The following IFRD1 variants were observed in gnomAD, a reference collection of about 807,000 sequenced individuals.
The protein encoded by IFRD1 is interferon-related developmental regulator 1.
A neutral mutation model predicts 52.9 loss-of-function variants in IFRD1; 35 were observed. The ratio of observed to expected loss-of-function variants is 0.66; its 90% CI spans 0.51 to 0.88. IFRD1 has a LOEUF of 0.88. Among genes scored for constraint, IFRD1 ranks in the 40% least tolerant of loss-of-function variants. The probability of loss-of-function intolerance (pLI) is 0.00; values close to 1 mark genes in which losing one functional copy is unlikely to be tolerated. For synonymous variants in IFRD1, 184 were observed against 188.4 expected (o/e 0.98, Z 0.19); for missense variants, 517 against 550.8 (o/e 0.94, Z 0.61).
chr7:112,460,241 G>GTTTTTTTTT (rs35314166), intron 5 of IFRD1, among the ~76,000 whole-genome samples: 2 of 92,950 alleles, frequency 2.2e-5, no homozygotes, highest in Non-Finnish European at 4.1e-5. Flanking sequence ...CAGTCCTAGG[G>GTTTTTTTTT]TTTTTTTTTT....
chr7:112,471,266 G>A (rs1250055996), intron 9 of IFRD1, among the ~76,000 whole-genome samples: 3 of 152,046 alleles, frequency 2.0e-5, no homozygotes, highest in African/African-American at 7.2e-5. Flanking sequence ...CCCATTTTAC[G>A]GGCAAGGGAA....
intron 1 of IFRD1, among the ~76,000 whole-genome samples, chr7:112,436,709 T>C (rs1462420698): frequency 2.0e-5 from 3 of 152,066 alleles, no homozygotes; most frequent in Non-Finnish European, 4.4e-5. Flanking sequence ...ATGCAAATAT[T>C]ATTATTTCAT....
intron 1 of IFRD1, among the ~76,000 whole-genome samples, chr7:112,429,355 G>A (rs772535135): frequency 6.6e-5 from 10 of 152,156 alleles, no homozygotes; most frequent in Non-Finnish European, 1.5e-4. Flanking sequence ...TCTGTTTTTG[G>A]TCACGTTAAG....
intron 1 of IFRD1, among the ~76,000 whole-genome samples, chr7:112,434,041 C>G (rs187077764): frequency 1.5e-4 from 23 of 152,076 alleles, no homozygotes; most frequent in Non-Finnish European, 4.4e-5. Flanking sequence ...AGGCTGGTCT[C>G]GAACTCCTGA....
chr7:112,440,485 T>G (rs1453389082), intron 1 of IFRD1, among the ~76,000 whole-genome samples: 1 of 152,236 alleles, frequency 6.6e-6, no homozygotes, highest in African/African-American at 2.4e-5. Flanking sequence ...TACGGTCAAT[T>G]CAGTTTGGCA....
At chr7:112,460,281 G>C (rs1795404914) in intron 5 of IFRD1, among the ~76,000 whole-genome samples, 1 of 108,992 alleles carries the variant, frequency 9.2e-6, no homozygotes, top group Admixed American at 1.5e-4. Flanking sequence ...GTCTCACTCT[G>C]TTACCCAGGC....
At chr7:112,426,723 TTGAGTC>T (rs1288263799) in intron 1 of IFRD1, among the ~76,000 whole-genome samples, 1 of 152,194 alleles carries the variant, frequency 6.6e-6, no homozygotes, top group Non-Finnish European at 1.5e-5. Flanking sequence ...AACAGACTCT[TTGAGTC>T]TGATAAGAAT....
intron 1 of IFRD1, among the ~76,000 whole-genome samples, chr7:112,435,240 G>A (rs1430566637): frequency 1.3e-5 from 2 of 152,130 alleles, no homozygotes; most frequent in Non-Finnish European, 2.9e-5. Flanking sequence ...AACCACCCGC[G>A]GACAGAACCA....
intron 9 of IFRD1, among the ~76,000 whole-genome samples, chr7:112,469,330 A>G (rs1584500988): frequency 3.9e-5 from 6 of 152,214 alleles, no homozygotes; most frequent in Admixed American, 3.9e-4. Flanking sequence ...TCTAGGATAC[A>G]AATTAGATCC....
At chr7:112,429,289 C>T (rs1413341026) in intron 1 of IFRD1, among the ~76,000 whole-genome samples, 1 of 152,246 alleles carries the variant, frequency 6.6e-6, no homozygotes, top group Non-Finnish European at 1.5e-5. Context: ...CCTATGCACA[C>T]ATCACTCTGT....
chr7:112,444,345 A>G (rs1173144110), intron 1 of IFRD1, among the ~76,000 whole-genome samples: 1 of 152,268 alleles, frequency 6.6e-6, no homozygotes, highest in Non-Finnish European at 1.5e-5. Flanking sequence ...AAAAGAAAAA[A>G]GCAAACAAAA....
At chr7:112,427,389 G>A (rs939329701) in intron 1 of IFRD1, among the ~76,000 whole-genome samples, 27 of 152,170 alleles carry the variant, frequency 1.8e-4, no homozygotes, top group Admixed American at 1.6e-3. Context: ...AGCATGTTGA[G>A]GACAGCAGTG....
At chr7:112,424,414 CTTTCT>C (rs909622560) in intron 1 of IFRD1, among the ~76,000 whole-genome samples, 4 of 145,552 alleles carry the variant, frequency 2.7e-5, no homozygotes, top group African/African-American at 7.7e-5. Context: ...GTATTTCTTT[CTTTCT>C]TTTTTTTTTT....
intron 6 of IFRD1, 28 bp downstream of exon 6, chr7:112,461,944 A>G: frequency 6.2e-7 from 1 of 1,602,410 alleles, no homozygotes; most frequent in Non-Finnish European, 8.6e-7. Flanking sequence ...GATTCTAGTT[A>G]TCTGCAGTTA....
intron 8 of IFRD1, among the ~76,000 whole-genome samples, chr7:112,464,245 A>G (rs756467872): frequency 2.6e-5 from 4 of 152,076 alleles, no homozygotes; most frequent in Non-Finnish European, 4.4e-5. Flanking sequence ...TAGTGATGTC[A>G]TGAATTCTGC....
chr7:112,472,160 A>C, intron 9 of IFRD1, 59 bp from the exon 10 acceptor site: 1 of 1,578,482 alleles, frequency 6.3e-7, no homozygotes, highest in Non-Finnish European at 8.7e-7. Flanking sequence ...TTGTGTTTAC[A>C]TAAGATCCCT....
intron 1 of IFRD1, among the ~76,000 whole-genome samples, chr7:112,443,860 T>A (rs1298986418): frequency 3.1e-5 from 4 of 130,196 alleles, no homozygotes; most frequent in Non-Finnish European, 3.2e-5. Context: ...GAAACTCTGT[T>A]TCAAAAAAAA....
intron 9 of IFRD1, among the ~76,000 whole-genome samples, chr7:112,469,920 C>T (rs1197370487): frequency 6.6e-6 from 1 of 151,220 alleles, no homozygotes; most frequent in South Asian, 2.1e-4. Flanking sequence ...AAGGCCTGTC[C>T]TCAGGGCTTT....
intron 11 of IFRD1, among the ~76,000 whole-genome samples, chr7:112,473,361 A>T (rs1246821123): frequency 6.6e-6 from 1 of 151,888 alleles, no homozygotes; most frequent in African/African-American, 2.4e-5. Context: ...GAAGTACCAG[A>T]CTCGTTTTAC....
Sources: allele counts gnomAD v4.1 joint callset (sites outside exome capture counted in the v4.1 genomes callset), GRCh38; gene constraint gnomAD v4.1.1; transcripts MANE v1.5; gene names NCBI Gene and HGNC (gene_info 2026-07-23, HGNC 2026-07-21).